The following EPB41L2 variants were observed in gnomAD, a reference collection of about 807,000 sequenced individuals.
EPB41L2 encodes the protein band 4.1-like protein 2.
EPB41L2 carries 43 observed loss-of-function variants against 113.0 expected under a neutral mutation model. The ratio of observed to expected loss-of-function variants is 0.38; its 90% CI spans 0.30 to 0.49. The LOEUF (loss-of-function observed/expected upper bound fraction) is 0.49, where lower values mean the gene tolerates loss of function less well. Ranked by LOEUF, EPB41L2 falls within the 20% of genes least tolerant of loss-of-function variation. The pLI is 0.95. For missense variants in EPB41L2, 1,147 were observed against 1,223.4 expected (o/e 0.94, Z 0.93); for synonymous variants, 442 against 436.7 (o/e 1.01, Z -0.15).
intron 3 of EPB41L2, among the ~76,000 whole-genome samples, chr6:130,928,065 G>T (rs939880021): frequency 1.3e-5 from 2 of 152,108 alleles, no homozygotes; most frequent in African/African-American, 2.4e-5. Flanking sequence ...TGCAATCCAG[G>T]CTGGGTGACA....
At chr6:130,908,696 A>T in intron 5 of EPB41L2, 125 bp downstream of exon 5, 1 of 605,840 alleles carries the variant, frequency 1.7e-6, no homozygotes, top group Non-Finnish European at 2.7e-6. Context: ...AAATATTATT[A>T]GTATTATTAA....
chr6:130,845,874 T>C (rs950149663), intron 19 of EPB41L2, among the ~76,000 whole-genome samples: 29 of 152,292 alleles, frequency 1.9e-4, no homozygotes, highest in African/African-American at 6.7e-4. Flanking sequence ...AGTACAACAA[T>C]GTCTAGAGGA....
At chr6:130,916,085 C>T (rs759657606) in intron 4 of EPB41L2, among the ~76,000 whole-genome samples, 1 of 152,098 alleles carries the variant, frequency 6.6e-6, no homozygotes, top group African/African-American at 2.4e-5. Context: ...TATAGTTATA[C>T]ATTGAAAACA....
chr6:131,045,186 C>T (rs1795176634), intron 1 of EPB41L2, among the ~76,000 whole-genome samples: 1 of 152,130 alleles, frequency 6.6e-6, no homozygotes, highest in Non-Finnish European at 1.5e-5. Flanking sequence ...CCTTCATGGA[C>T]ATGGTTTCCA....
At chr6:130,946,938 T>A (rs1283861331) in intron 3 of EPB41L2, among the ~76,000 whole-genome samples, 1 of 151,748 alleles carries the variant, frequency 6.6e-6, no homozygotes, top group African/African-American at 2.4e-5. Context: ...ACATACCCAA[T>A]GTTCTAATCG....
chr6:131,027,814 T>A (rs1200629417), intron 1 of EPB41L2, among the ~76,000 whole-genome samples: 1 of 152,180 alleles, frequency 6.6e-6, no homozygotes, highest in East Asian at 1.9e-4. Context: ...TTTTTAAAAA[T>A]TTTAAAAATT....
At chr6:131,048,617 A>G (rs182620883) in intron 1 of EPB41L2, among the ~76,000 whole-genome samples, 90 of 152,360 alleles carry the variant, frequency 5.9e-4, no homozygotes, top group Non-Finnish European at 8.8e-4. Context: ...CTTCAAAATA[A>G]AGATGAGAGT....
chr6:130,931,350 A>T (rs1270989524), intron 3 of EPB41L2, among the ~76,000 whole-genome samples: 1 of 152,188 alleles, frequency 6.6e-6, no homozygotes, highest in Non-Finnish European at 1.5e-5. Context: ...AGGGAATGAA[A>T]CATAAGCTAG....
At chr6:130,962,647 G>A (rs1178250023) in intron 1 of EPB41L2, among the ~76,000 whole-genome samples, 1 of 152,128 alleles carries the variant, frequency 6.6e-6, no homozygotes, top group South Asian at 2.1e-4. Context: ...CTAATATCCG[G>A]TTTAAATTAA....
At chr6:130,925,963 T>C (rs1250003559) in intron 4 of EPB41L2, among the ~76,000 whole-genome samples, 1 of 152,234 alleles carries the variant, frequency 6.6e-6, no homozygotes, top group Non-Finnish European at 1.5e-5. Flanking sequence ...CTTATTATCT[T>C]ATATTTCATT....
At chr6:130,936,964 G>C (rs1412608797) in intron 3 of EPB41L2, among the ~76,000 whole-genome samples, 1 of 152,248 alleles carries the variant, frequency 6.6e-6, no homozygotes, top group African/African-American at 2.4e-5. Context: ...CTGGGCATCT[G>C]TAACTTTTTA....
chr6:130,915,935 G>C (rs1387695757), intron 4 of EPB41L2, among the ~76,000 whole-genome samples: 1 of 152,136 alleles, frequency 6.6e-6, no homozygotes, highest in Non-Finnish European at 1.5e-5. Flanking sequence ...TTTGTAAATT[G>C]CCCAGCCTCA....
chr6:130,932,741 G>A (rs1314010581), intron 3 of EPB41L2, among the ~76,000 whole-genome samples: 1 of 152,202 alleles, frequency 6.6e-6, no homozygotes. Context: ...TTAAGAAAGA[G>A]GACATCTTAC....
At chr6:130,952,599 G>A (rs988094853) in intron 3 of EPB41L2, among the ~76,000 whole-genome samples, 1 of 152,126 alleles carries the variant, frequency 6.6e-6, no homozygotes, top group Non-Finnish European at 1.5e-5. Flanking sequence ...CGGATCACGA[G>A]GTCAGGTGAT....
At chr6:131,012,759 C>T (rs1262054418) in intron 1 of EPB41L2, among the ~76,000 whole-genome samples, 1 of 151,864 alleles carries the variant, frequency 6.6e-6, no homozygotes, top group Non-Finnish European at 1.5e-5. Context: ...TAACTGAGAC[C>T]ACAAAATTAC....
At chr6:130,995,079 G>C (rs1381483528) in intron 1 of EPB41L2, among the ~76,000 whole-genome samples, 3 of 152,228 alleles carry the variant, frequency 2.0e-5, no homozygotes, top group Non-Finnish European at 4.4e-5. Flanking sequence ...GCTCACACCT[G>C]TAATCCCAGC....
At chr6:130,911,287 C>A (rs1351453451) in intron 4 of EPB41L2, among the ~76,000 whole-genome samples, 1 of 151,786 alleles carries the variant, frequency 6.6e-6, no homozygotes, top group Admixed American at 6.6e-5. Context: ...AGAAAACCTG[C>A]ATATTCGCAC....
chr6:131,050,054 G>A (rs1363784594), intron 1 of EPB41L2, among the ~76,000 whole-genome samples: 2 of 152,030 alleles, frequency 1.3e-5, no homozygotes, highest in African/African-American at 4.8e-5. Context: ...AAAATCAAAT[G>A]GGGACCGGGT....
chr6:131,060,806 G>A (rs181837958), intron 1 of EPB41L2, among the ~76,000 whole-genome samples: 1 of 151,978 alleles, frequency 6.6e-6, no homozygotes, highest in South Asian at 2.1e-4. Flanking sequence ...TTTTTTGGTG[G>A]CCTCTCTTCA....
Sources: allele counts gnomAD v4.1 joint callset (sites outside exome capture counted in the v4.1 genomes callset), GRCh38; gene constraint gnomAD v4.1.1; transcripts MANE v1.5; gene names NCBI Gene and HGNC (gene_info 2026-07-23, HGNC 2026-07-21).